Variants in RIMBP2 observed in about 807,000 individuals in gnomAD.
The protein encoded by RIMBP2 is RIMS binding protein 2.
In RIMBP2, 48 loss-of-function variants were observed where a neutral mutation model predicts 118.6. The observed-to-expected ratio is 0.40, with a 90% CI of 0.32 to 0.51. The LOEUF is 0.51. RIMBP2 is among the 20% of genes least tolerant of loss of function. RIMBP2 has a pLI of 0.41. For missense variants in RIMBP2, 1,551 were observed against 1,768.3 expected (o/e 0.88, Z 2.20); for synonymous variants, 762 against 742.9 (o/e 1.03, Z -0.42).
intron 4 of RIMBP2, among the ~76,000 whole-genome samples, chr12:130,503,512 A>C (rs1433678741): frequency 6.6e-6 from 1 of 152,190 alleles, no homozygotes; most frequent in Non-Finnish European, 1.5e-5. Context: ...CGATGCAAAA[A>C]AGGCTTGAAA....
At chr12:130,474,091 A>T (rs1332795217) in intron 5 of RIMBP2, among the ~76,000 whole-genome samples, 2 of 152,212 alleles carry the variant, frequency 1.3e-5, no homozygotes, top group East Asian at 1.9e-4. Context: ...AGAAACTGAA[A>T]GTCTGAAGCA....
chr12:130,627,873 C>T (rs1439608153), intron 2 of RIMBP2, among the ~76,000 whole-genome samples: 1 of 152,202 alleles, frequency 6.6e-6, no homozygotes, highest in African/African-American at 2.4e-5. Context: ...CTCTTTGCTC[C>T]CACGCTTACC....
At chr12:130,642,276 AGTTTT>A (rs2062658507) in intron 1 of RIMBP2, among the ~76,000 whole-genome samples, 1 of 107,686 alleles carries the variant, frequency 9.3e-6, no homozygotes, top group African/African-American at 3.2e-5. Flanking sequence ...GGTTTAGTTT[AGTTTT>A]GTTTTGTTTT....
chr12:130,538,869 G>A (rs1045126501), intron 2 of RIMBP2, among the ~76,000 whole-genome samples: 3 of 152,166 alleles, frequency 2.0e-5, no homozygotes, highest in Admixed American at 2.0e-4. Context: ...ATCGGGTGGT[G>A]GCCCATCTCC....
In RIMBP2 at chr12:130,623,503, G is replaced by A. The variant is rs2061442722; in HGVS notation, c.-217+4819C>T. 2.0e-5 allele frequency among the ~76,000 whole-genome samples: 3 copies of A among 151,994 alleles called. No homozygotes were observed. Among genetic ancestry groups the A allele is most frequent in the Admixed American group, 2.0e-4 (3 of 15,260 alleles). ...CAAGTATGTTCCCTGCTGTAGTACT[G>A]ATAATAATTAGGCATGGTTAGGGGA... On this transcript the variant is annotated intron_variant, in intron 2 of 22. Transcript: ENST00000690449. The surrounding 1 kb of genome is among the most constrained non-coding windows in gnomAD (Gnocchi z 4.1).
In RIMBP2 at chr12:130,526,326, T is replaced by C. The variant is rs145540740; in HGVS notation, c.-216-8409A>G. On this transcript the variant is annotated intron_variant, in intron 2 of 22. Transcript: ENST00000690449. ...AATCACCGTATTGACTGTCCTGAGA[T>C]GCTGAAAGACAATGAAAGGTAACTC... Among the ~76,000 whole-genome samples, 4 of 152,298 alleles carry C rather than the reference T, an allele frequency of 2.6e-5. No individual in the cohort carries two copies. In the South Asian group the frequency reaches 6.2e-4, roughly 24 times the overall value.
chr12:130,713,885 C>T (rs1262316428), intron 1 of RIMBP2, among the ~76,000 whole-genome samples: 1 of 152,180 alleles, frequency 6.6e-6, no homozygotes, highest in Non-Finnish European at 1.5e-5. Flanking sequence ...CAACATGCCC[C>T]AGAGATGCGT....
intron 1 of RIMBP2, among the ~76,000 whole-genome samples, chr12:130,656,890 C>G (rs1002251911): frequency 3.3e-5 from 5 of 152,006 alleles, no homozygotes; most frequent in African/African-American, 4.8e-5. Context: ...GCCTGGGCAA[C>G]AGAATGATAC....
At chr12:130,694,331 A>G (rs572168437) in intron 1 of RIMBP2, among the ~76,000 whole-genome samples, 1 of 152,332 alleles carries the variant, frequency 6.6e-6, no homozygotes, top group African/African-American at 2.4e-5. Context: ...ACCAGTAGTC[A>G]TGGCCTCTAG....
intron 1 of RIMBP2, among the ~76,000 whole-genome samples, chr12:130,663,516 T>G (rs2063746675): frequency 6.6e-6 from 1 of 151,546 alleles, no homozygotes; most frequent in Non-Finnish European, 1.5e-5. Context: ...AAGTACAAAG[T>G]GCCAGAAACA....
intron 1 of RIMBP2, among the ~76,000 whole-genome samples, chr12:130,650,068 T>C (rs1594143844): frequency 6.6e-6 from 1 of 150,398 alleles, no homozygotes; most frequent in Non-Finnish European, 1.5e-5. Flanking sequence ...TCCTCCAGTG[T>C]GGGGTGAACC....
intron 3 of RIMBP2, among the ~76,000 whole-genome samples, chr12:130,512,483 C>G (rs1217856692): frequency 6.6e-6 from 1 of 152,160 alleles, no homozygotes; most frequent in Non-Finnish European, 1.5e-5. Flanking sequence ...CCACCATGCC[C>G]AGCCAATTTT....
intron 2 of RIMBP2, among the ~76,000 whole-genome samples, chr12:130,519,755 A>G (rs1178859615): frequency 6.6e-6 from 1 of 152,200 alleles, no homozygotes; most frequent in Non-Finnish European, 1.5e-5. Flanking sequence ...GGGTTAGATT[A>G]TGGGTTCTGA....
At chr12:130,456,740 T>A in intron 6 of RIMBP2, 40 bp from the exon 7 acceptor site, 3 of 1,513,602 alleles carry the variant, frequency 2.0e-6, no homozygotes, top group Non-Finnish European at 2.7e-6. Flanking sequence ...GCGGTGGCAT[T>A]TGGTGGTGGA....
chr12:130,538,833 C>A (rs575789140), intron 2 of RIMBP2, among the ~76,000 whole-genome samples: 1 of 152,004 alleles, frequency 6.6e-6, no homozygotes, highest in African/African-American at 2.4e-5. Flanking sequence ...CCTGCCCCCA[C>A]TCTTCCCTCC....
chr12:130,633,699 G>C (rs1594111293), intron 1 of RIMBP2: 2 of 152,286 alleles, frequency 1.3e-5, no homozygotes, highest in South Asian at 4.2e-4. Context: ...AACAACCCTT[G>C]CTCTACAGCC....
chr12:130,450,497 T>G lies in RIMBP2; in HGVS notation c.505-221A>C, dbSNP rs576298253. Among the ~76,000 whole-genome samples, 51 of 152,044 alleles carry G rather than the reference T, an allele frequency of 3.4e-4. No homozygotes were observed. Among genetic ancestry groups the G allele is most frequent in the Non-Finnish European group, 6.2e-4 (42 of 67,990 alleles). The stretch of plus-strand genomic sequence containing the variant: ...CCCCTTATTACATAGGCCCCCTCTG[T>G]GTTTGTAGAGAACCCAGTCCCCAAA... On this transcript the variant is annotated intron_variant, in intron 8 of 22. Coordinates refer to ENST00000690449, the MANE Select transcript of RIMBP2 (RefSeq NM_001393629.1). The surrounding 1 kb of genome is among the most constrained non-coding windows in gnomAD (Gnocchi z 4.8).
intron 4 of RIMBP2, among the ~76,000 whole-genome samples, chr12:130,494,795 G>T (rs578201349): frequency 3.3e-5 from 5 of 152,350 alleles, no homozygotes; most frequent in African/African-American, 1.2e-4. Flanking sequence ...TGTGGGAAAA[G>T]GATGCATTTG....
intron 2 of RIMBP2, among the ~76,000 whole-genome samples, chr12:130,545,959 GA>G (rs1319103577): frequency 6.6e-6 from 1 of 152,152 alleles, no homozygotes; most frequent in African/African-American, 2.4e-5. Context: ...GCGCAGTAGG[GA>G]AAAAATCTTA....
Sources: gnomAD v4.1 joint callset for allele counts (sites outside exome capture counted in the v4.1 genomes callset) on GRCh38, gnomAD v4.1.1 for gene constraint, Gnocchi (gnomAD v3.1) non-coding constraint, MANE v1.5 for transcripts, NCBI Gene and HGNC (gene_info 2026-07-23, HGNC 2026-07-21) for gene names.